ERG: variants seen among roughly 807,000 people sequenced by gnomAD.
ERG encodes ETS transcription factor ERG, also known as transcriptional regulator ERG.
ERG carries 9 observed loss-of-function variants against 55.3 expected under a neutral mutation model. The ratio of observed to expected loss-of-function variants is 0.16; its 90% confidence interval spans 0.10 to 0.28. The LOEUF (loss-of-function observed/expected upper bound fraction) is 0.28, where lower values mean the gene tolerates loss of function less well. Ranked by LOEUF, ERG falls within the 10% of genes least tolerant of loss-of-function variation. The pLI is 1.00. For synonymous variants in ERG, 223 were observed against 237.3 expected (o/e 0.94, Z 0.55); for missense variants, 434 against 631.6 (o/e 0.69, Z 3.35).
chr21:38,554,104 G>C (rs774234078), intron 2 of ERG, among the ~76,000 whole-genome samples: 11 of 152,098 alleles, frequency 7.2e-5, no homozygotes, highest in Non-Finnish European at 1.3e-4. Flanking sequence ...CTAATCACTA[G>C]AGAAAAGCAA....
intron 1 of ERG, among the ~76,000 whole-genome samples, chr21:38,490,170 G>T (rs931040609): frequency 6.6e-6 from 1 of 151,424 alleles, no homozygotes; most frequent in Admixed American, 6.6e-5. Context: ...ATAATGAAGA[G>T]ATAAAAACAT....
chr21:38,482,572 A>T (rs1255731257), intron 1 of ERG, among the ~76,000 whole-genome samples: 1 of 152,226 alleles, frequency 6.6e-6, no homozygotes, highest in Admixed American at 6.5e-5. Context: ...TGCCATATTC[A>T]TTGCAGCATT....
chr21:38,500,976 C>T (rs1030042264), upstream of ERG, among the ~76,000 whole-genome samples: 1 of 150,386 alleles, frequency 6.6e-6, no homozygotes, highest in Admixed American at 6.6e-5. Context: ...CAAATGGCAT[C>T]ATAGCATCCA....
chr21:38,426,878 C>T (rs550591347), intron 2 of ERG, among the ~76,000 whole-genome samples: 18 of 151,132 alleles, frequency 1.2e-4, no homozygotes, highest in Non-Finnish European at 2.5e-4. Context: ...TGCGGTGAGC[C>T]AAGACCACGC....
chr21:38,586,674 A>G (rs2060067392), upstream of ERG, among the ~76,000 whole-genome samples: 1 of 152,214 alleles, frequency 6.6e-6, no homozygotes, highest in African/African-American at 2.4e-5. Context: ...AAAAACACAA[A>G]GATCAATTAC....
chr21:38,608,342 T>G (rs951696300), intron 1 of ERG, among the ~76,000 whole-genome samples: 1 of 152,176 alleles, frequency 6.6e-6, no homozygotes, highest in South Asian at 2.1e-4. Context: ...AGTTAGACTT[T>G]AGGATAAAAT....
At chr21:38,631,019 C>T (rs1465300946) in intron 1 of ERG, among the ~76,000 whole-genome samples, 1 of 152,184 alleles carries the variant, frequency 6.6e-6, no homozygotes, top group Non-Finnish European at 1.5e-5. Flanking sequence ...GAATTTGAAA[C>T]CCCTGGAATG....
At chr21:38,432,297 T>G (rs551952437) in intron 2 of ERG, among the ~76,000 whole-genome samples, 3 of 152,168 alleles carry the variant, frequency 2.0e-5, no homozygotes, top group Non-Finnish European at 2.9e-5. Context: ...TCTCACTATG[T>G]TGCCCAGGCT....
At chr21:38,423,849 G>A (rs1989671880) in intron 2 of ERG, among the ~76,000 whole-genome samples, 1 of 152,152 alleles carries the variant, frequency 6.6e-6, no homozygotes, top group Non-Finnish European at 1.5e-5. Context: ...AGCTGGGCAT[G>A]CCTGTAGTCC....
chr21:38,626,106 G>C (rs1360088108), intron 1 of ERG, among the ~76,000 whole-genome samples: 3 of 151,896 alleles, frequency 2.0e-5, no homozygotes, highest in Non-Finnish European at 1.5e-5. Flanking sequence ...ATTTTTAGTA[G>C]AGACAGGGTT....
intron 1 of ERG, among the ~76,000 whole-genome samples, chr21:38,640,970 A>G (rs1327981108): frequency 1.3e-5 from 2 of 152,234 alleles, no homozygotes; most frequent in African/African-American, 4.8e-5. Context: ...AAATATAACA[A>G]CTAGAATAGA....
chr21:38,558,153 G>T (rs2059869737), intron 2 of ERG, among the ~76,000 whole-genome samples: 2 of 151,958 alleles, frequency 1.3e-5, no homozygotes, highest in South Asian at 4.1e-4. Flanking sequence ...CCCCAAACCT[G>T]GTCTGGTGAA....
rs184335795 is a variant in ERG, at chr21:38,564,384, A to C, written c.-41+11278T>G. ...GTGATCAAAGAAAAATGTTTATCTC[A>C]TGGGGTGTTGGAAAAGGAACATCAT... On this transcript the variant is annotated intron_variant, in intron 2 of 8. Transcript: ENST00000398897. 2.5e-3 allele frequency among the ~76,000 whole-genome samples: 383 copies of C among 152,246 alleles called. 3 individuals are homozygous for C. The highest frequency in any genetic ancestry group is 8.5e-3 in the African/African-American group (353 of 41,542).
Position 38,498,402 on chromosome 21 carries a change from C to T in ERG, c.-22G>A, listed in dbSNP as rs374442584. On this transcript the variant is annotated 5_prime_UTR_variant, in exon 1 of 10. Transcript: ENST00000288319. The surrounding 1 kb of genome is among the most constrained non-coding windows in gnomAD (Gnocchi z 4.6). ...CCATAATGCGATCAAGTTTATTGAT[C>T]GTTAATAAATGTTAATAATAATTAT... 219 of 1,599,474 alleles carry T rather than the reference C, an allele frequency of 1.4e-4. No homozygotes were observed. The highest frequency in any genetic ancestry group is 9.8e-4 in the African/African-American group (73 of 74,442).
intron 1 of ERG, among the ~76,000 whole-genome samples, chr21:38,476,435 C>T (rs1315413200): frequency 6.6e-6 from 1 of 152,180 alleles, no homozygotes; most frequent in Non-Finnish European, 1.5e-5. Flanking sequence ...CCCTGAGATA[C>T]AACACCACTC....
intron 1 of ERG, among the ~76,000 whole-genome samples, chr21:38,636,394 G>GC (rs1279420890): frequency 2.6e-5 from 4 of 152,134 alleles, no homozygotes; most frequent in Admixed American, 6.5e-5. Flanking sequence ...GAGCAGGAGG[G>GC]CAAGGAGGGT....
intron 1 of ERG, among the ~76,000 whole-genome samples, chr21:38,614,203 G>A (rs1019702517): frequency 6.6e-6 from 1 of 152,162 alleles, no homozygotes; most frequent in Non-Finnish European, 1.5e-5. Flanking sequence ...AGGAGAAACA[G>A]TTGTTTCCAT....
chr21:38,617,668 C>T (rs1340123582), intron 1 of ERG, among the ~76,000 whole-genome samples: 2 of 152,152 alleles, frequency 1.3e-5, no homozygotes, highest in African/African-American at 4.8e-5. Context: ...AAGTCCTGAA[C>T]TCATTTCTAT....
chr21:38,423,615 C>A, intron 2 of ERG, 54 bp from the exon 3 acceptor site: 1 of 1,536,214 alleles, frequency 6.5e-7, no homozygotes, highest in Non-Finnish European at 8.9e-7. Context: ...AGCATGTCTC[C>A]ATCGACTTCT....
Sources: gnomAD v4.1 joint callset for allele counts (sites outside exome capture counted in the v4.1 genomes callset) on GRCh38, gnomAD v4.1.1 for gene constraint, Gnocchi (gnomAD v3.1) non-coding constraint, MANE v1.5 for transcripts, NCBI Gene and HGNC (gene_info 2026-07-23, HGNC 2026-07-21) for gene names.